Variants in RBFOX1 observed in about 807,000 individuals in gnomAD.
The protein encoded by RBFOX1 is RNA binding protein fox-1 homolog 1.
In RBFOX1, 8 loss-of-function variants were observed where a neutral mutation model predicts 57.7. That is an observed-to-expected ratio of 0.14 (90% CI 0.08 to 0.25). The LOEUF (loss-of-function observed/expected upper bound fraction) is 0.25. RBFOX1 is among the 10% of genes least tolerant of loss of function. The pLI is 1.00. For missense variants in RBFOX1, 611 were observed against 548.5 expected, an observed-to-expected ratio of 1.11 and a Z score of -1.14; for synonymous variants, 326 against 222.4, an observed-to-expected ratio of 1.47 and a Z score of -4.15.
intron 4 of RBFOX1, among the ~76,000 whole-genome samples, chr16:7,071,619 T>TGTG (rs2057358543): frequency 7.0e-6 from 1 of 142,828 alleles, no homozygotes; most frequent in African/African-American, 2.7e-5. Flanking sequence ...GTGTGTGTGT[T>TGTG]TGTCTGTATA....
intron 1 of RBFOX1, among the ~76,000 whole-genome samples, chr16:5,462,385 G>T (rs571459028): frequency 3.4e-4 from 52 of 152,076 alleles, no homozygotes; most frequent in African/African-American, 1.3e-3. Context: ...GGCCAGGCTG[G>T]TCTTGATCTC....
At chr16:6,816,134 C>T (rs80192237) in intron 3 of RBFOX1, among the ~76,000 whole-genome samples, 13,763 of 152,032 alleles carry the variant, frequency 0.091, 972 homozygotes, top group African/African-American at 0.19. Context: ...ATGAGGAGAC[C>T]CCGTCTCTAC....
chr16:7,361,264 C>A (rs183171415), intron 4 of RBFOX1, among the ~76,000 whole-genome samples: 91 of 152,324 alleles, frequency 6.0e-4, no homozygotes, highest in Admixed American at 3.1e-3. Flanking sequence ...ACTTTGTAGC[C>A]ATTCCGTCTC....
At chr16:6,780,649 A>T (rs973332987) in intron 3 of RBFOX1, among the ~76,000 whole-genome samples, 1 of 144,754 alleles carries the variant, frequency 6.9e-6, no homozygotes, top group African/African-American at 2.5e-5. Flanking sequence ...TCTTTTATAT[A>T]TGTATATATC....
intron 2 of RBFOX1, among the ~76,000 whole-genome samples, chr16:6,610,920 T>G (rs1217175798): frequency 6.6e-6 from 1 of 152,190 alleles, no homozygotes; most frequent in Admixed American, 6.5e-5. Flanking sequence ...TCTTAATATA[T>G]AGTAGACCAT....
chr16:6,127,125 C>G (rs74005140), intron 1 of RBFOX1, among the ~76,000 whole-genome samples: 2,998 of 152,160 alleles, frequency 0.02, 90 homozygotes, highest in African/African-American at 0.065. Context: ...AGGTTAGGAA[C>G]AAATGTGACC....
At chr16:5,923,106 G>C (rs182881012) in intron 4 of RBFOX1, among the ~76,000 whole-genome samples, 1 of 152,270 alleles carries the variant, frequency 6.6e-6, no homozygotes, top group Admixed American at 6.5e-5. Context: ...TGATAATTTT[G>C]CTGTGCACCA....
At chr16:6,643,560 C>G (rs1443327535) in intron 2 of RBFOX1, among the ~76,000 whole-genome samples, 4 of 152,134 alleles carry the variant, frequency 2.6e-5, no homozygotes, top group Non-Finnish European at 4.4e-5. Context: ...CCAGAACACC[C>G]TCGTTATCTT....
At chr16:7,252,533 T>G (rs1475851516) in intron 4 of RBFOX1, among the ~76,000 whole-genome samples, 2 of 152,190 alleles carry the variant, frequency 1.3e-5, no homozygotes. Context: ...TCATTAAAAG[T>G]TGGAAGATCT....
intron 3 of RBFOX1, among the ~76,000 whole-genome samples, chr16:6,777,496 G>A (rs1309254829): frequency 6.6e-6 from 1 of 152,066 alleles, no homozygotes; most frequent in Non-Finnish European, 1.5e-5. Context: ...GATTTTATTA[G>A]GAAGCTTTCT....
chr16:6,824,995 T>G (rs1202529335), intron 3 of RBFOX1, among the ~76,000 whole-genome samples: 1 of 106,592 alleles, frequency 9.4e-6, no homozygotes, highest in African/African-American at 3.9e-5. Context: ...TTTTTTTTTT[T>G]TTTTTTTTTT....
chr16:7,051,622 T>C lies in RBFOX1; in HGVS notation c.-15-435T>C, dbSNP rs61147297. Among the ~76,000 whole-genome samples the C allele has an allele frequency of 5.1e-3, 778 of 152,342 alleles. 8 individuals are homozygous for C. Among genetic ancestry groups the C allele is most frequent in the African/African-American group, 0.018 (740 of 41,586 alleles). On this transcript the variant is annotated intron_variant, in intron 3 of 15. Coordinates refer to ENST00000550418, the MANE Select transcript of RBFOX1 (RefSeq NM_018723.4). ...GCCAAGGCATGACAACTGACACTAC[T>C]GGCCCTAAACATTGGAGAAGACTTT... is the stretch of plus-strand genomic sequence containing the variant.
chr16:5,833,128 G>A (rs1246427323), intron 3 of RBFOX1, among the ~76,000 whole-genome samples: 6 of 152,108 alleles, frequency 3.9e-5, no homozygotes, highest in Non-Finnish European at 7.3e-5. Flanking sequence ...AGAGCCTTAT[G>A]CATAAAGTCT....
At chr16:7,265,962 T>G (rs2095117011) in intron 4 of RBFOX1, among the ~76,000 whole-genome samples, 1 of 99,208 alleles carries the variant, frequency 1.0e-5, no homozygotes, top group African/African-American at 7.4e-5. Context: ...TGGTGGGTTT[T>G]TGTTTTTTTT....
chr16:6,379,466 A>C (rs888385748), intron 2 of RBFOX1, among the ~76,000 whole-genome samples: 2 of 152,026 alleles, frequency 1.3e-5, no homozygotes, highest in Non-Finnish European at 2.9e-5. Flanking sequence ...CCCTACCCGC[A>C]TGAGAAGGTT....
At chr16:7,103,296 C>G (rs772543411) in intron 4 of RBFOX1, among the ~76,000 whole-genome samples, 5 of 152,098 alleles carry the variant, frequency 3.3e-5, no homozygotes, top group African/African-American at 4.8e-5. Flanking sequence ...TGTCCAGTCT[C>G]AAGTCAGTAT....
chr16:6,990,070 A>G (rs2091162000), intron 3 of RBFOX1, among the ~76,000 whole-genome samples: 1 of 152,132 alleles, frequency 6.6e-6, no homozygotes, highest in Non-Finnish European at 1.5e-5. Context: ...ACTAGAATAT[A>G]CTCTTCAAGA....
intron 3 of RBFOX1, among the ~76,000 whole-genome samples, chr16:6,680,123 C>T (rs2058404624): frequency 6.6e-6 from 1 of 151,888 alleles, no homozygotes; most frequent in Admixed American, 6.6e-5. Flanking sequence ...AAAATGGGGT[C>T]ATAGAAGGAC....
intron 5 of RBFOX1, among the ~76,000 whole-genome samples, chr16:7,530,902 G>C (rs1182700913): frequency 6.6e-6 from 1 of 152,128 alleles, no homozygotes; most frequent in Non-Finnish European, 1.5e-5. Flanking sequence ...TCACCACCCA[G>C]AAAATAAGCC....
Sources: allele counts gnomAD v4.1 joint callset (sites outside exome capture counted in the v4.1 genomes callset), GRCh38; gene constraint gnomAD v4.1.1; transcripts MANE v1.5; gene names NCBI Gene and HGNC (gene_info 2026-07-23, HGNC 2026-07-21).